Variants in OR2C1 observed in about 807,000 individuals in gnomAD.
The protein encoded by OR2C1 is olfactory receptor 2C1.
For synonymous variants in OR2C1, 209 were observed against 167.3 expected, an observed-to-expected ratio of 1.25 and a Z score of -1.92; for missense variants, 468 against 388.3, an observed-to-expected ratio of 1.21 and a Z score of -1.73.
the OR2C1 span, among the ~76,000 whole-genome samples, chr16:3,324,489 T>G: frequency 6.6e-6 from 1 of 152,166 alleles, no homozygotes; most frequent in Non-Finnish European, 1.5e-5. Flanking sequence ...GAAAGCACAT[T>G]ATGATGCATC....
chr16:3,347,776 G>GCA, the OR2C1 span, among the ~76,000 whole-genome samples: 1 of 151,288 alleles, frequency 6.6e-6, no homozygotes, highest in Non-Finnish European at 1.5e-5. Flanking sequence ...GAACACACAT[G>GCA]CACACACGCA....
chr16:3,356,247 G>A lies in OR2C1; in HGVS notation c.307G>A (p.Val103Ile). ...SYGGCITQLYVFLWLGATECI... is the reference protein window; with the variant it reads ...SYGGCITQLYIFLWLGATECI... ...TGGTGGCTGCATAACCCAGCTCTATGTCTTCCTTTGGCTGGGGGCCACCGA... is the reference window on the plus strand; with the variant it reads ...TGGTGGCTGCATAACCCAGCTCTATATCTTCCTTTGGCTGGGGGCCACCGA... Residue 103 changes from valine to isoleucine, a missense_variant, in exon 1 of 1, where the codon GTC (valine) becomes ATC (isoleucine). Physicochemically the swap from Val to Ile is conservative, Grantham distance 29 (BLOSUM62 3). Transcript: ENST00000304936. The A allele has an allele frequency of 6.2e-7, 1 of 1,614,088 alleles. No individual in the cohort carries two copies. Among genetic ancestry groups the A allele is most frequent in the Non-Finnish European group, 8.5e-7 (1 of 1,180,038 alleles).
the OR2C1 span, among the ~76,000 whole-genome samples, chr16:3,332,720 C>CATATATATATAT: frequency 0.051 from 7,579 of 148,490 alleles, 278 homozygotes; most frequent in African/African-American, 0.11. Context: ...TATTCTATTG[C>CATATATATATAT]ATATATATAT....
chr16:3,332,417 A>T, the OR2C1 span, among the ~76,000 whole-genome samples: 1 of 151,974 alleles, frequency 6.6e-6, no homozygotes, highest in African/African-American at 2.4e-5. Context: ...ATTATTGTTG[A>T]CTATAGTCAC....
chr16:3,337,120 G>A, the OR2C1 span, among the ~76,000 whole-genome samples: 5 of 151,538 alleles, frequency 3.3e-5, no homozygotes, highest in African/African-American at 1.2e-4. Flanking sequence ...CTCCCAAAGT[G>A]CTAAGATTAC....
chr16:3,344,761 T>C, the OR2C1 span, among the ~76,000 whole-genome samples: 2 of 152,018 alleles, frequency 1.3e-5, no homozygotes, highest in East Asian at 1.9e-4. Flanking sequence ...TACTAAGTGT[T>C]GGGTAGAACG....
the OR2C1 span, among the ~76,000 whole-genome samples, chr16:3,338,581 C>T: frequency 1.2e-4 from 15 of 122,890 alleles, no homozygotes; most frequent in East Asian, 1.8e-3. Flanking sequence ...TCTGTCGCCC[C>T]GGCTGGAGTG....
At chr16:3,340,883 A>C in the OR2C1 span, among the ~76,000 whole-genome samples, 22 of 151,674 alleles carry the variant, frequency 1.5e-4, no homozygotes, top group Non-Finnish European at 2.1e-4. Context: ...GAATTTGGGC[A>C]GTGTGACTCC....
At chr16:3,345,081 T>C in the OR2C1 span, among the ~76,000 whole-genome samples, 1 of 152,126 alleles carries the variant, frequency 6.6e-6, no homozygotes, top group Non-Finnish European at 1.5e-5. Flanking sequence ...TGCATATCAA[T>C]CATTAGAAAC....
the OR2C1 span, among the ~76,000 whole-genome samples, chr16:3,347,898 A>G: frequency 6.6e-6 from 1 of 151,796 alleles, no homozygotes; most frequent in African/African-American, 2.4e-5. Context: ...GCACACACCC[A>G]CTATAGCATT....
chr16:3,341,640 A>G, the OR2C1 span, among the ~76,000 whole-genome samples: 2 of 152,206 alleles, frequency 1.3e-5, no homozygotes, highest in Non-Finnish European at 2.9e-5. Context: ...TGTAAAAGAT[A>G]TTATGAAGGA....
the OR2C1 span, among the ~76,000 whole-genome samples, chr16:3,327,569 C>T: frequency 1.3e-5 from 2 of 151,576 alleles, no homozygotes; most frequent in African/African-American, 4.8e-5. Flanking sequence ...CACCAGGCAT[C>T]CCAGATGCCT....
chr16:3,333,918 A>T, the OR2C1 span, among the ~76,000 whole-genome samples: 1 of 151,562 alleles, frequency 6.6e-6, no homozygotes, highest in African/African-American at 2.4e-5. Context: ...ACCTATGTAT[A>T]TCCACTTTCC....
chr16:3,339,294 T>A, the OR2C1 span, among the ~76,000 whole-genome samples: 2 of 151,962 alleles, frequency 1.3e-5, no homozygotes, highest in Non-Finnish European at 2.9e-5. Flanking sequence ...TTTTTTCATC[T>A]TTTGGCTAAA....
At chr16:3,333,098 T>G in the OR2C1 span, among the ~76,000 whole-genome samples, 2 of 152,014 alleles carry the variant, frequency 1.3e-5, no homozygotes, top group African/African-American at 4.8e-5. Context: ...TATATCTCAT[T>G]GTGGTTTTGA....
At chr16:3,345,347 G>C in the OR2C1 span, among the ~76,000 whole-genome samples, 1 of 151,502 alleles carries the variant, frequency 6.6e-6, no homozygotes, top group Non-Finnish European at 1.5e-5. Flanking sequence ...TTAGCCGGGC[G>C]TGATGGCGGG....
At chr16:3,323,378 A>G in the OR2C1 span, 5 of 968,368 alleles carry the variant, frequency 5.2e-6, no homozygotes, top group Admixed American at 8.5e-5. Context: ...TTCCAAGCAA[A>G]TGACACCAAA....
the OR2C1 span, among the ~76,000 whole-genome samples, chr16:3,334,142 T>A: frequency 7.3e-5 from 11 of 150,700 alleles, no homozygotes; most frequent in East Asian, 4.0e-4. Context: ...TTTGCTAATT[T>A]TTTTTTTTTT....
chr16:3,330,345 T>C, the OR2C1 span, among the ~76,000 whole-genome samples: 3 of 152,082 alleles, frequency 2.0e-5, no homozygotes, highest in Non-Finnish European at 4.4e-5. Context: ...CTCGATCTCC[T>C]GACCTCGTGA....
Sources: allele counts gnomAD v4.1 joint callset (sites outside exome capture counted in the v4.1 genomes callset), GRCh38; gene constraint gnomAD v4.1.1; transcripts MANE v1.5; gene names NCBI Gene and HGNC (gene_info 2026-07-23, HGNC 2026-07-21).